Variants in DDHD1 observed in about 807,000 individuals in gnomAD.
DDHD1 encodes phospholipase DDHD1.
A neutral mutation model predicts 96.4 loss-of-function variants in DDHD1; 49 were observed. The observed-to-expected ratio is 0.51, with a 90% CI of 0.40 to 0.64. DDHD1 has a LOEUF of 0.64. DDHD1 is among the 30% of genes least tolerant of loss of function. The pLI is 0.00. For missense variants in DDHD1, 1,106 were observed against 1,161.2 expected (o/e 0.95, Z 0.69); for synonymous variants, 442 against 446.5 (o/e 0.99, Z 0.13).
rs752351015 is a variant in DDHD1 at position 53,055,786 on chromosome 14, T to TA, written c.2118dup (p.Lys707Ter). ...TTCTCTGAAACTGAGGTAGGTTCTT[T>TA]AGCTGGGTTGAGAAAGCTTGGCTTC... On this transcript the variant is annotated frameshift_variant, in exon 10 of 13. Coordinates refer to ENST00000673822, the MANE Select transcript of DDHD1 (RefSeq NM_001160148.2). LOFTEE classifies it high-confidence loss of function. 1 of 1,614,160 alleles carries TA rather than the reference T, an allele frequency of 6.2e-7. No individual in the cohort carries two copies. Among genetic ancestry groups the TA allele is most frequent in the South Asian group, 1.1e-5 (1 of 91,076 alleles).
At chr14:53,132,544 C>T (rs2139844281) in intron 1 of DDHD1, among the ~76,000 whole-genome samples, 1 of 152,290 alleles carries the variant, frequency 6.6e-6, no homozygotes, top group South Asian at 2.1e-4. Flanking sequence ...TCTCAGCAAG[C>T]CGAACTCACT....
chr14:53,076,670 C>T (rs148041288), intron 4 of DDHD1, among the ~76,000 whole-genome samples: 25 of 152,274 alleles, frequency 1.6e-4, no homozygotes, highest in Middle Eastern at 6.8e-3. Context: ...GAGGAAGAAT[C>T]AATCGATGTG....
chr14:53,129,311 A>T (rs1368854244), intron 1 of DDHD1, among the ~76,000 whole-genome samples: 1 of 152,162 alleles, frequency 6.6e-6, no homozygotes, highest in Non-Finnish European at 1.5e-5. Context: ...CACCAATTTT[A>T]AATCGGGTAA....
At position 53,152,916 on chromosome 14, in the gene DDHD1, C is replaced by T; in HGVS notation, c.183G>A (p.Gly61=). The part of the protein sequence containing the change: ...DGDVPLALLR[G]EPGLHLAPGT... ...CCGGCGCCAAATGCAGCCCGGGTTC[C>T]CCGCGCAGCAGGGCCAGGGGCACGT... is the stretch of plus-strand genomic sequence containing the variant. The change falls in exon 1 of 13, where the codon GGG becomes GGA. Residue 61 remains glycine, a synonymous_variant. Transcript: ENST00000673822. The T allele has an allele frequency of 6.2e-7, 1 of 1,607,664 alleles. No homozygotes were observed. Among genetic ancestry groups the T allele is most frequent in the South Asian group, 1.1e-5 (1 of 90,460 alleles).
At chr14:53,057,273 AT>A (rs1273596806) in intron 9 of DDHD1, among the ~76,000 whole-genome samples, 2 of 152,218 alleles carry the variant, frequency 1.3e-5, no homozygotes, top group East Asian at 3.8e-4. Flanking sequence ...AATAAATGCT[AT>A]TTAAAATAGT....
chr14:53,054,495 TAGC>T lies in DDHD1; in HGVS notation c.2377_2379del (p.Ala793del). On this transcript the variant is annotated inframe_deletion, in exon 11 of 13. Coordinates refer to ENST00000673822, the MANE Select transcript of DDHD1 (RefSeq NM_001160148.2). ...GGAAGGGTCTGTGTCCCTACGGTGG[TAGC>T]AGAAGGTGAGGCAACTGGCTTCTTC... is the stretch of plus-strand genomic sequence containing the variant. The T allele has an allele frequency of 6.2e-7, 1 of 1,614,158 alleles. No individual in the cohort carries two copies. The highest frequency in any genetic ancestry group is 8.5e-7 in the Non-Finnish European group (1 of 1,179,996).
chr14:53,061,220 T>A lies in DDHD1; in HGVS notation c.1767-19A>T, dbSNP rs1334432916. On this transcript the variant is annotated intron_variant, in intron 7 of 12. Transcript: ENST00000673822. ...CTTCAGCCTAAGAAGGGGTATGAGA[T>A]TATATACACACACGTATTTATAATT... 6.3e-7 allele frequency: 1 copy of A among 1,591,026 alleles called. No individual in the cohort carries two copies. The highest frequency in any genetic ancestry group is 8.5e-7 in the Non-Finnish European group (1 of 1,171,376).
At chr14:53,119,962 A>T (rs1888855706) in intron 1 of DDHD1, among the ~76,000 whole-genome samples, 1 of 152,186 alleles carries the variant, frequency 6.6e-6, no homozygotes, top group Admixed American at 6.5e-5. Flanking sequence ...GGGCAATCAG[A>T]CAAGAGAAAG....
intron 1 of DDHD1, among the ~76,000 whole-genome samples, chr14:53,121,327 T>A (rs1305407530): frequency 1.3e-5 from 2 of 152,206 alleles, no homozygotes; most frequent in African/African-American, 4.8e-5. Flanking sequence ...TTTTACACTA[T>A]TGGTGGGAGT....
intron 1 of DDHD1, among the ~76,000 whole-genome samples, chr14:53,136,312 C>T (rs919725498): frequency 4.6e-5 from 7 of 152,200 alleles, no homozygotes; most frequent in South Asian, 2.1e-4. Context: ...TCTCTTCACA[C>T]GGACGCATGA....
At chr14:53,117,184 T>C (rs1204326725) in intron 1 of DDHD1, among the ~76,000 whole-genome samples, 6 of 152,076 alleles carry the variant, frequency 3.9e-5, no homozygotes, top group Non-Finnish European at 1.5e-5. Context: ...CCTTCCAAGA[T>C]GGCCAAATAG....
At chr14:53,137,156 G>T (rs1890299016) in intron 1 of DDHD1, among the ~76,000 whole-genome samples, 1 of 151,994 alleles carries the variant, frequency 6.6e-6, no homozygotes, top group African/African-American at 2.4e-5. Flanking sequence ...TAACAAATGA[G>T]ATCAATAGTA....
intron 2 of DDHD1, chr14:53,103,026 C>T (rs774147730): frequency 1.3e-5 from 20 of 1,566,998 alleles, no homozygotes; most frequent in Non-Finnish European, 1.7e-5. Context: ...TACAGTTATA[C>T]TCACCAGAAT....
chr14:53,144,604 C>G (rs1648918081), intron 1 of DDHD1, among the ~76,000 whole-genome samples: 2 of 152,202 alleles, frequency 1.3e-5, no homozygotes, highest in South Asian at 2.1e-4. Flanking sequence ...GAAACAGATA[C>G]CAGATGTTAA....
chr14:53,135,804 A>C (rs1038157702), intron 1 of DDHD1, among the ~76,000 whole-genome samples: 11 of 152,246 alleles, frequency 7.2e-5, no homozygotes, highest in African/African-American at 2.7e-4. Flanking sequence ...AAATAACTAG[A>C]AAATCAGACA....
chr14:53,090,011 T>C (rs1886300266), intron 4 of DDHD1, among the ~76,000 whole-genome samples: 1 of 152,044 alleles, frequency 6.6e-6, no homozygotes, highest in African/African-American at 2.4e-5. Context: ...TACAAAGAAC[T>C]TAAACAAATT....
Position 53,063,203 on chromosome 14 carries a change from T to C in DDHD1, c.1506A>G (p.Leu502=), listed in dbSNP as rs769200507. 6.2e-7 allele frequency: 1 copy of C among 1,612,212 alleles called. No homozygotes were observed. Among genetic ancestry groups the C allele is most frequent in the Non-Finnish European group, 8.5e-7 (1 of 1,179,460 alleles). ...TCAGCTCTTGCTGAAGGCCTTTAACTAGCTGTTTGAAATAAGAAAACATTA... is the reference window on the plus strand; with the variant it reads ...TCAGCTCTTGCTGAAGGCCTTTAACCAGCTGTTTGAAATAAGAAAACATTA... ...YYTSPLYRDE[L]VKGLQQELNR... is the part of the protein sequence containing the mutation. Residue 502 remains leucine, a splice_region_variant and synonymous_variant, in exon 7 of 13, where the codon CTA becomes CTG. Coordinates refer to ENST00000673822, the MANE Select transcript of DDHD1 (RefSeq NM_001160148.2).
At chr14:53,140,960 A>G (rs1191924037) in intron 1 of DDHD1, among the ~76,000 whole-genome samples, 2 of 152,244 alleles carry the variant, frequency 1.3e-5, no homozygotes, top group African/African-American at 2.4e-5. Context: ...AAGAAACATT[A>G]CCAGAGATAA....
intron 8 of DDHD1, 128 bp downstream of exon 8, chr14:53,060,998 G>T: frequency 1.2e-6 from 1 of 853,970 alleles, no homozygotes; most frequent in Non-Finnish European, 1.8e-6. Flanking sequence ...CCAACATATA[G>T]TATATGTTGA....
Sources: gnomAD v4.1 joint callset for allele counts (sites outside exome capture counted in the v4.1 genomes callset) on GRCh38, gnomAD v4.1.1 for gene constraint, MANE v1.5 for transcripts, NCBI Gene and HGNC (gene_info 2026-07-23, HGNC 2026-07-21) for gene names.